Variants in ALPL observed in about 807,000 individuals in gnomAD.
The protein encoded by ALPL is alkaline phosphatase, tissue-nonspecific isozyme.
A neutral mutation model predicts 51.3 loss-of-function variants in ALPL; 42 were observed. The observed-to-expected ratio is 0.82, with a 90% CI of 0.64 to 1.06. ALPL has a LOEUF of 1.06. ALPL is among the 50% of genes least tolerant of loss of function. ALPL has a pLI of 0.00. For synonymous variants in ALPL, 279 were observed against 296.4 expected, an observed-to-expected ratio of 0.94 and a Z score of 0.60; for missense variants, 589 against 709.4, an observed-to-expected ratio of 0.83 and a Z score of 1.93.
At position 21,564,328 on chromosome 1, in the gene ALPL, A is replaced by C; in HGVS notation, c.648+112A>C. On this transcript the variant is annotated intron_variant, in intron 6 of 11. Coordinates refer to ENST00000374840, the MANE Select transcript of ALPL (RefSeq NM_000478.6). This position sits in a 1 kb window ranked among gnomAD's most constrained non-coding sequence, Gnocchi z 5.8. The stretch of plus-strand genomic sequence containing the variant: ...AAAGCAGCCTGGCCTGGCTCCCCAC[A>C]CACCTGGGAGGCTCCCAGCCCATTA... 7.3e-7 allele frequency: 1 copy of C among 1,370,690 alleles called. No individual in the cohort carries two copies. Among genetic ancestry groups the C allele is most frequent in the Non-Finnish European group, 1.0e-6 (1 of 996,886 alleles). 84.9% of individuals were successfully genotyped at this position (1,370,690 alleles called of 1,614,324 possible). A position where few individuals can be genotyped will look rare whatever the true frequency, so the allele number is the denominator to read the frequency against.
chr1:21,545,597 T>G (rs911049217), intron 1 of ALPL, among the ~76,000 whole-genome samples: 4 of 151,984 alleles, frequency 2.6e-5, no homozygotes, highest in African/African-American at 9.7e-5. Flanking sequence ...AGCCACCAAT[T>G]ACCAAGTTTT....
At chr1:21,535,882 A>G (rs905325347) in intron 1 of ALPL, among the ~76,000 whole-genome samples, 8 of 152,238 alleles carry the variant, frequency 5.3e-5, no homozygotes, top group Non-Finnish European at 1.0e-4. Context: ...CCTGTTTAGC[A>G]GAGGGACCTA....
In ALPL at chr1:21,561,217, G is replaced by T. The variant is rs776187726; in HGVS notation, c.297+5G>T. 1 of 1,600,606 alleles carries T rather than the reference G, an allele frequency of 6.2e-7. No homozygotes were observed. Among genetic ancestry groups the T allele is most frequent in the Admixed American group, 1.7e-5 (1 of 58,482 alleles). On this transcript the variant is annotated splice_donor_5th_base_variant and intron_variant, in intron 4 of 11. Coordinates refer to ENST00000374840, the MANE Select transcript of ALPL (RefSeq NM_000478.6). Reference sequence around the variant, plus strand: ...CCCTTCGTGGCCCTCTCCAAGGTGAGCCCCATCCCCAAGCCCAGTTCAGGT... The same window carrying T: ...CCCTTCGTGGCCCTCTCCAAGGTGATCCCCATCCCCAAGCCCAGTTCAGGT...
intron 8 of ALPL, 41 bp downstream of exon 8, chr1:21,570,415 C>G (rs945123904): frequency 1.9e-6 from 3 of 1,602,900 alleles, no homozygotes; most frequent in Middle Eastern, 1.7e-4. Context: ...TGGCTCGGAG[C>G]CTGGTGGCCG....
Position 21,573,653 on chromosome 1 carries a change from C to A in ALPL, c.863-12C>A. On this transcript the variant is annotated splice_polypyrimidine_tract_variant and intron_variant, in intron 8 of 11. Transcript: ENST00000374840. ...CCTCTCAGCATCCACATCCTCCTGG[C>A]GTCCTCCTCAGGTCTCTTCGAGCCA... 1 of 1,612,554 alleles carries A rather than the reference C, an allele frequency of 6.2e-7. No homozygotes were observed. Among genetic ancestry groups the A allele is most frequent in the Non-Finnish European group, 8.5e-7 (1 of 1,179,626 alleles).
At position 21,560,609 on chromosome 1, in the gene ALPL, CCT is replaced by C. The variant is rs770038333; in HGVS notation, c.62-10_62-9del. ...CTATCCTTACCCCGCCAAGTAACTGCCTCTCTCTGTGTTTAGAGAAAGAGAAA... is the reference window on the plus strand; with the variant it reads ...CTATCCTTACCCCGCCAAGTAACTGCCTCTCTGTGTTTAGAGAAAGAGAAA... On this transcript the variant is annotated splice_polypyrimidine_tract_variant and intron_variant, in intron 2 of 11. Transcript: ENST00000374840. 6 of 1,613,720 alleles carry C rather than the reference CCT, an allele frequency of 3.7e-6. No homozygotes were observed. In the South Asian group the frequency reaches 5.5e-5, roughly 15 times the overall value.
At chr1:21,539,925 G>A (rs1644159899) in intron 1 of ALPL, among the ~76,000 whole-genome samples, 1 of 152,040 alleles carries the variant, frequency 6.6e-6, no homozygotes. Context: ...CAAAGTGCTG[G>A]GATTACAGGC....
intron 1 of ALPL, among the ~76,000 whole-genome samples, chr1:21,517,088 A>G (rs948627078): frequency 6.6e-6 from 1 of 152,202 alleles, no homozygotes; most frequent in African/African-American, 2.4e-5. Context: ...TTTCTTGGCT[A>G]TACTGTATTG....
In ALPL at chr1:21,539,594, CT is replaced by C. The variant is rs1218814001; in HGVS notation, c.-104-14383del. Among the ~76,000 whole-genome samples, 3 of 151,950 alleles carry C rather than the reference CT, an allele frequency of 2.0e-5. No homozygotes were observed. The East Asian group carries it at 5.8e-4, about 29-fold the overall frequency. ...TTAGTGGGGAGACCTATCCCTGCCC[CT>C]GATGTGCTGTGTGACACTGGGGAGG... On this transcript the variant is annotated intron_variant, in intron 1 of 11. Coordinates refer to ENST00000374840, the MANE Select transcript of ALPL (RefSeq NM_000478.6).
At chr1:21,569,946 C>T (rs1644622358) in intron 7 of ALPL, among the ~76,000 whole-genome samples, 1 of 152,144 alleles carries the variant, frequency 6.6e-6, no homozygotes, top group Non-Finnish European at 1.5e-5. Flanking sequence ...GTGCCTGGCT[C>T]TTCTTTGCCC....
intron 1 of ALPL, among the ~76,000 whole-genome samples, chr1:21,518,097 A>G (rs113324018): frequency 0.12 from 18,873 of 151,914 alleles, 1,315 homozygotes; most frequent in African/African-American, 0.16. Context: ...ACCAGGGCCC[A>G]CCCCAGGTGT....
chr1:21,513,792 T>C (rs1279539692), intron 1 of ALPL, among the ~76,000 whole-genome samples: 2 of 152,218 alleles, frequency 1.3e-5, no homozygotes, highest in African/African-American at 4.8e-5. Context: ...TTCTGGCTTC[T>C]CTTGAAAGAT....
In ALPL at chr1:21,564,950, C is replaced by T. The variant is rs980822143; in HGVS notation, c.648+734C>T. The stretch of plus-strand genomic sequence containing the variant: ...ATGGAGACAGAAGTCATCCATGTGA[C>T]GCTTACTCTCTGTTCTTAAGTGAGA... On this transcript the variant is annotated intron_variant, in intron 6 of 11. Coordinates refer to ENST00000374840, the MANE Select transcript of ALPL (RefSeq NM_000478.6). The surrounding 1 kb of genome is among the most constrained non-coding windows in gnomAD (Gnocchi z 5.8). 3.3e-5 allele frequency among the ~76,000 whole-genome samples: 5 copies of T among 152,264 alleles called. No individual in the cohort carries two copies. Among genetic ancestry groups the T allele is most frequent in the Admixed American group, 1.3e-4 (2 of 15,296 alleles).
At chr1:21,539,914 C>CCA (rs1449532443) in intron 1 of ALPL, among the ~76,000 whole-genome samples, 7 of 152,238 alleles carry the variant, frequency 4.6e-5, no homozygotes, top group Non-Finnish European at 7.4e-5. Context: ...CCTCTGCCTC[C>CCA]CAAAGTGCTG....
intron 8 of ALPL, among the ~76,000 whole-genome samples, chr1:21,570,584 A>G (rs1298557021): frequency 6.6e-6 from 1 of 152,190 alleles, no homozygotes; most frequent in East Asian, 1.9e-4. Flanking sequence ...GATTAGCCTC[A>G]TTGGGCACAA....
At chr1:21,522,093 A>T (rs1185371288) in intron 1 of ALPL, among the ~76,000 whole-genome samples, 3 of 137,040 alleles carry the variant, frequency 2.2e-5, no homozygotes, top group Non-Finnish European at 3.1e-5. Context: ...TTTTTTTGAG[A>T]TGGAGTCTCG....
chr1:21,565,618 G>A lies in ALPL; in HGVS notation c.648+1402G>A, dbSNP rs371401443. Among the ~76,000 whole-genome samples, 5 of 151,874 alleles carry A rather than the reference G, an allele frequency of 3.3e-5. No homozygotes were observed. The East Asian group carries it at 7.8e-4, about 24-fold the overall frequency. ...CAGGTGAGGGGGTGGGAGATGAGGA[G>A]GGGGGGCCGCAGGGGCCACGTCAAG... On this transcript the variant is annotated intron_variant, in intron 6 of 11. Coordinates refer to ENST00000374840, the MANE Select transcript of ALPL (RefSeq NM_000478.6).
At chr1:21,547,032 G>T (rs1051678731) in intron 1 of ALPL, among the ~76,000 whole-genome samples, 2 of 152,226 alleles carry the variant, frequency 1.3e-5, no homozygotes, top group Admixed American at 1.3e-4. Flanking sequence ...CATACAGTAG[G>T]TGCTTTGTCC....
chr1:21,558,424 AAGGCAGGAGGG>A (rs1426656457), intron 2 of ALPL, among the ~76,000 whole-genome samples: 1 of 149,902 alleles, frequency 6.7e-6, no homozygotes, highest in Non-Finnish European at 1.5e-5. Flanking sequence ...TGTTTTGAGG[AAGGCAGGAGGG>A]AGGCTGGAAC....
Sources: gnomAD v4.1 joint callset for allele counts (sites outside exome capture counted in the v4.1 genomes callset) on GRCh38, gnomAD v4.1.1 for gene constraint, Gnocchi (gnomAD v3.1) non-coding constraint, MANE v1.5 for transcripts, NCBI Gene and HGNC (gene_info 2026-07-23, HGNC 2026-07-21) for gene names.